Variants in UNC5B observed in about 807,000 individuals in gnomAD.
The protein encoded by UNC5B is netrin receptor UNC5B.
Under a neutral mutation model 103.7 loss-of-function variants are expected in UNC5B, and 56 were observed. That is an observed-to-expected ratio of 0.54 (90% CI 0.44 to 0.67). The LOEUF is 0.67. Among genes scored for constraint, UNC5B ranks in the 30% least tolerant of loss-of-function variants. The pLI is 0.00. For missense variants in UNC5B, 1,194 were observed against 1,284.5 expected, an observed-to-expected ratio of 0.93 and a Z score of 1.08; for synonymous variants, 577 against 542.0, an observed-to-expected ratio of 1.06 and a Z score of -0.90.
chr10:71,244,496 C>A (rs537519292), intron 1 of UNC5B, among the ~76,000 whole-genome samples: 1 of 152,334 alleles, frequency 6.6e-6, no homozygotes, highest in South Asian at 2.1e-4. Context: ...GCAGAAGAGT[C>A]ATATCCTTCT....
intron 1 of UNC5B, among the ~76,000 whole-genome samples, chr10:71,263,487 C>G (rs1056844723): frequency 2.0e-5 from 3 of 152,212 alleles, no homozygotes; most frequent in Non-Finnish European, 2.9e-5. Flanking sequence ...ATCCCCTTCT[C>G]TGAGTTATTA....
chr10:71,272,261 G>A (rs1844664276), intron 1 of UNC5B, among the ~76,000 whole-genome samples: 1 of 152,118 alleles, frequency 6.6e-6, no homozygotes, highest in Non-Finnish European at 1.5e-5. Flanking sequence ...CCAGCGTGGG[G>A]CGTTTCTCTG....
At chr10:71,266,764 G>A (rs1844533858) in intron 1 of UNC5B, among the ~76,000 whole-genome samples, 2 of 152,136 alleles carry the variant, frequency 1.3e-5, no homozygotes, top group African/African-American at 2.4e-5. Flanking sequence ...CCTTACTCGA[G>A]GTCTCCCTGT....
chr10:71,218,158 G>T (rs1431246951), intron 1 of UNC5B: 2 of 152,700 alleles, frequency 1.3e-5, no homozygotes, highest in Non-Finnish European at 2.9e-5. Flanking sequence ...TTGCACTGGG[G>T]TGTCAGGTGT....
intron 1 of UNC5B, among the ~76,000 whole-genome samples, chr10:71,229,926 G>A (rs1843650227): frequency 6.6e-6 from 1 of 152,142 alleles, no homozygotes; most frequent in Non-Finnish European, 1.5e-5. Context: ...ACAGAGCGCG[G>A]CATGCAGAAA....
At chr10:71,232,962 T>C (rs955326354) in intron 1 of UNC5B, among the ~76,000 whole-genome samples, 4 of 152,226 alleles carry the variant, frequency 2.6e-5, no homozygotes, top group Non-Finnish European at 5.9e-5. Flanking sequence ...TACACAAAGC[T>C]GCGACCTTAC....
intron 1 of UNC5B, among the ~76,000 whole-genome samples, chr10:71,219,055 A>C (rs2132235718): frequency 6.6e-6 from 1 of 152,294 alleles, no homozygotes; most frequent in African/African-American, 2.4e-5. Flanking sequence ...CTCTAGGATA[A>C]GATGGACTGT....
In UNC5B at chr10:71,293,853, G is replaced by A. The variant is rs141426412; in HGVS notation, c.2095G>A (p.Val699Ile). 63 of 1,609,886 alleles carry A rather than the reference G, an allele frequency of 3.9e-5. No homozygotes were observed. The highest frequency in any genetic ancestry group is 8.0e-5 in the African/African-American group (6 of 75,000). ...AGCAGTCAAGCGGCTCCAGCTGGCC[G>A]TCTTCGCCCCCGCCCTCTGCACCTC... The part of the protein sequence containing the change: ...RSAVKRLQLA[V>I]FAPALCTSLE... Residue 699 changes from valine (V) to isoleucine (I), a missense_variant, in exon 13 of 17, where the codon GTC becomes ATC. Coordinates refer to ENST00000335350, the MANE Select transcript of UNC5B (RefSeq NM_170744.5).
At chr10:71,220,898 G>A (rs1400795034) in intron 1 of UNC5B, among the ~76,000 whole-genome samples, 1 of 152,166 alleles carries the variant, frequency 6.6e-6, no homozygotes, top group Non-Finnish European at 1.5e-5. Context: ...GAGACCCTAG[G>A]CAAGTGCCTT....
intron 14 of UNC5B, 61 bp downstream of exon 14, chr10:71,296,021 C>T: frequency 6.2e-7 from 1 of 1,606,000 alleles, no homozygotes; most frequent in Non-Finnish European, 8.5e-7. Context: ...GGAAGCCCAG[C>T]TCCCTCCCGG....
At chr10:71,270,019 G>A (rs957999936) in intron 1 of UNC5B, among the ~76,000 whole-genome samples, 1 of 152,144 alleles carries the variant, frequency 6.6e-6, no homozygotes, top group Admixed American at 6.5e-5. Context: ...GCATGTCCCA[G>A]GAAAACACGC....
intron 1 of UNC5B, among the ~76,000 whole-genome samples, chr10:71,265,988 T>C (rs1362376997): frequency 6.6e-6 from 1 of 152,172 alleles, no homozygotes; most frequent in Non-Finnish European, 1.5e-5. Context: ...TCCCAGGAGC[T>C]AAGACTAGGG....
chr10:71,239,718 G>A (rs1843854050), intron 1 of UNC5B, among the ~76,000 whole-genome samples: 3 of 151,988 alleles, frequency 2.0e-5, no homozygotes, highest in Admixed American at 6.5e-5. Context: ...ACCCCTGCTG[G>A]ATGGGTGGGA....
At chr10:71,235,902 C>T (rs545675567) in intron 1 of UNC5B, among the ~76,000 whole-genome samples, 137 of 152,368 alleles carry the variant, frequency 9.0e-4, no homozygotes, top group African/African-American at 3.1e-3. Flanking sequence ...ATCATCCCCA[C>T]CTCGCCCACT....
chr10:71,212,941 G>C lies in UNC5B; in HGVS notation c.-45G>C. 7.9e-7 allele frequency: 1 copy of C among 1,268,584 alleles called. No homozygotes were observed. The highest frequency in any genetic ancestry group is 1.0e-6 in the Non-Finnish European group (1 of 1,004,042). The allele number at this position is 1,268,584 out of a possible 1,614,324, so 78.6% of individuals were successfully genotyped here. A position where few individuals can be genotyped will look rare whatever the true frequency, so the allele number is the denominator to read the frequency against. On this transcript the variant is annotated 5_prime_UTR_variant, in exon 1 of 17. Coordinates refer to ENST00000335350, the MANE Select transcript of UNC5B (RefSeq NM_170744.5). ...ACGGCGGCGGCGAGACTGGGGCCAG[G>C]GAGACAGCCCTGGGGGAGAGGCGCC... is the stretch of plus-strand genomic sequence containing the variant.
At chr10:71,260,460 C>T (rs957111885) in intron 1 of UNC5B, among the ~76,000 whole-genome samples, 3 of 152,230 alleles carry the variant, frequency 2.0e-5, no homozygotes, top group Non-Finnish European at 4.4e-5. Flanking sequence ...AAAATGCCCT[C>T]CGGTCCAGGC....
chr10:71,271,691 C>T (rs2132291376), intron 1 of UNC5B, among the ~76,000 whole-genome samples: 1 of 152,332 alleles, frequency 6.6e-6, no homozygotes, highest in East Asian at 1.9e-4. Flanking sequence ...GCCTCGACCC[C>T]AGCCTCCCAT....
intron 1 of UNC5B, among the ~76,000 whole-genome samples, chr10:71,254,587 G>C (rs1014566580): frequency 6.6e-6 from 1 of 152,270 alleles, no homozygotes; most frequent in Admixed American, 6.5e-5. Context: ...AGGCTGGGTT[G>C]GGGGGAGGGA....
At chr10:71,281,436 A>T (rs1215170063) in intron 2 of UNC5B, among the ~76,000 whole-genome samples, 1 of 151,642 alleles carries the variant, frequency 6.6e-6, no homozygotes, top group Non-Finnish European at 1.5e-5. Flanking sequence ...CGCCTCCCAG[A>T]TTCAAGCAAT....
Sources: allele counts gnomAD v4.1 joint callset (sites outside exome capture counted in the v4.1 genomes callset), GRCh38; gene constraint gnomAD v4.1.1; transcripts MANE v1.5; gene names NCBI Gene and HGNC (gene_info 2026-07-23, HGNC 2026-07-21).